The following TYW1B variants were observed in gnomAD, a reference collection of about 807,000 sequenced individuals.
TYW1B encodes the protein tRNA-yW synthesizing protein 1 homolog B.
TYW1B carries 73 observed loss-of-function variants against 86.9 expected under a neutral mutation model. That is an observed-to-expected ratio of 0.84 (90% CI 0.70 to 1.02). The LOEUF is 1.02. Among genes scored for constraint, TYW1B ranks in the 50% least tolerant of loss-of-function variants. TYW1B has a pLI of 0.00. For synonymous variants in TYW1B, 248 were observed against 292.8 expected (o/e 0.85, Z 1.56); for missense variants, 637 against 827.4 (o/e 0.77, Z 2.82).
At chr7:72,808,862 C>T (rs1487609942) in intron 4 of TYW1B, among the ~76,000 whole-genome samples, 1 of 151,956 alleles carries the variant, frequency 6.6e-6, no homozygotes, top group African/African-American at 2.4e-5. Context: ...CCACCTCCAC[C>T]GTCACTCACA....
At chr7:72,648,299 T>C (rs1812979137) in intron 11 of TYW1B, among the ~76,000 whole-genome samples, 1 of 151,960 alleles carries the variant, frequency 6.6e-6, no homozygotes, top group African/African-American at 2.4e-5. Flanking sequence ...TCCCAGCACT[T>C]TGGGGGACTA....
At chr7:72,593,585 A>G (rs186878868) in intron 13 of TYW1B, among the ~76,000 whole-genome samples, 1,866 of 152,028 alleles carry the variant, frequency 0.012, 37 homozygotes, top group African/African-American at 0.042. Flanking sequence ...CACTTTGGGA[A>G]GCCAAGGCGG....
At chr7:72,762,361 G>A (rs1554467342) in intron 7 of TYW1B, among the ~76,000 whole-genome samples, 1 of 152,078 alleles carries the variant, frequency 6.6e-6, no homozygotes. Context: ...ATTGCCTTCT[G>A]TTCTTTCTCC....
At chr7:72,757,322 C>T (rs782169556) in intron 7 of TYW1B, among the ~76,000 whole-genome samples, 5 of 149,018 alleles carry the variant, frequency 3.4e-5, no homozygotes, top group Admixed American at 6.7e-5. Flanking sequence ...GAGCCAAGAT[C>T]GCACCACTGC....
At chr7:72,823,597 C>A (rs529901874) in intron 2 of TYW1B, among the ~76,000 whole-genome samples, 2 of 151,002 alleles carry the variant, frequency 1.3e-5, no homozygotes, top group African/African-American at 4.9e-5. Flanking sequence ...TCCAGCCTGG[C>A]GACACAGGGA....
chr7:72,628,749 T>C (rs1195681904), intron 12 of TYW1B, 138 bp downstream of exon 12: 3 of 650,836 alleles, frequency 4.6e-6, no homozygotes, highest in African/African-American at 3.7e-5. Flanking sequence ...TCTTGATGAA[T>C]ATCGATCACG....
intron 12 of TYW1B, among the ~76,000 whole-genome samples, chr7:72,617,769 C>G (rs1187730694): frequency 1.3e-5 from 2 of 152,098 alleles, no homozygotes; most frequent in East Asian, 1.9e-4. Flanking sequence ...ACCTACATAC[C>G]TTTACACACA....
At chr7:72,791,558 A>G (rs1198550537) in intron 6 of TYW1B, among the ~76,000 whole-genome samples, 3 of 151,976 alleles carry the variant, frequency 2.0e-5, no homozygotes, top group Admixed American at 1.3e-4. Context: ...TGGGCGGATC[A>G]TAAGATCAGG....
In TYW1B at chr7:72,747,091, CA is replaced by C. The variant is rs1224351494; in HGVS notation, c.965-2491del. The stretch of plus-strand genomic sequence containing the variant: ...CTCCACCAGCATTTGTTGAAAATTT[CA>C]ACATGGAACTTGATATGGTTTGGCT... On this transcript the variant is annotated intron_variant, in intron 7 of 13. Coordinates refer to ENST00000620995, the MANE Select transcript of TYW1B (RefSeq NM_001145440.3). Among the ~76,000 whole-genome samples the C allele has an allele frequency of 3.9e-5, 6 of 152,150 alleles. No individual in the cohort carries two copies. In the East Asian group the frequency reaches 1.2e-3, roughly 29 times the overall value.
chr7:72,603,245 C>CGGATGGAT (rs201837149), intron 13 of TYW1B, among the ~76,000 whole-genome samples: 2 of 128,480 alleles, frequency 1.6e-5, no homozygotes, highest in Admixed American at 7.9e-5. Flanking sequence ...GATGGACGGA[C>CGGATGGAT]GGATGGATGG....
chr7:72,632,369 A>G (rs1340697869), intron 11 of TYW1B, among the ~76,000 whole-genome samples: 8 of 113,482 alleles, frequency 7.0e-5, no homozygotes, highest in Admixed American at 2.1e-4. Context: ...ATATATACGC[A>G]TATATATTAT....
At chr7:72,826,412 A>C (rs1364758935) in intron 2 of TYW1B, among the ~76,000 whole-genome samples, 1 of 152,200 alleles carries the variant, frequency 6.6e-6, no homozygotes, top group Non-Finnish European at 1.5e-5. Context: ...TGGTATAATA[A>C]GGTCCTTTAA....
intron 5 of TYW1B, among the ~76,000 whole-genome samples, chr7:72,803,425 G>A (rs1220785796): frequency 6.6e-6 from 1 of 151,990 alleles, no homozygotes; most frequent in African/African-American, 2.4e-5. Context: ...TATCTACTAC[G>A]TACCCCAACA....
chr7:72,762,590 G>A (rs1260046059), intron 7 of TYW1B, among the ~76,000 whole-genome samples: 1 of 152,124 alleles, frequency 6.6e-6, no homozygotes. Flanking sequence ...ATTGTTCCCT[G>A]TAATGAGGAA....
chr7:72,653,183 G>C (rs1340016171), intron 11 of TYW1B, among the ~76,000 whole-genome samples: 1 of 152,098 alleles, frequency 6.6e-6, no homozygotes, highest in Non-Finnish European at 1.5e-5. Flanking sequence ...CAATAAAATA[G>C]GTAAGAGAAA....
At chr7:72,827,270 T>C (rs1305372724) in intron 1 of TYW1B, among the ~76,000 whole-genome samples, 1 of 151,946 alleles carries the variant, frequency 6.6e-6, no homozygotes, top group East Asian at 1.9e-4. Flanking sequence ...TAGCCGGGCA[T>C]GGTGGCGCGC....
At chr7:72,589,197 A>T (rs1414475278) in intron 13 of TYW1B, among the ~76,000 whole-genome samples, 1 of 152,228 alleles carries the variant, frequency 6.6e-6, no homozygotes, top group Non-Finnish European at 1.5e-5. Flanking sequence ...TTCTGTAAGG[A>T]TTAAATGAGT....
intron 7 of TYW1B, among the ~76,000 whole-genome samples, chr7:72,756,220 T>TATTTTA (rs1416361514): frequency 2.0e-5 from 3 of 148,734 alleles, no homozygotes; most frequent in Admixed American, 6.8e-5. Context: ...TATTTTATTT[T>TATTTTA]ATTTTATTTT....
chr7:72,768,925 G>T, intron 7 of TYW1B: 1 of 356,244 alleles, frequency 2.8e-6, no homozygotes, highest in South Asian at 3.0e-5. Flanking sequence ...CACCTCTTGT[G>T]GGTTTTTACA....
Sources: gnomAD v4.1 joint callset for allele counts (sites outside exome capture counted in the v4.1 genomes callset) on GRCh38, gnomAD v4.1.1 for gene constraint, MANE v1.5 for transcripts, NCBI Gene and HGNC (gene_info 2026-07-23, HGNC 2026-07-21) for gene names.